The following DLGAP4 variants were observed in gnomAD, a reference collection of about 807,000 sequenced individuals.
The protein encoded by DLGAP4 is DLG associated protein 4.
In DLGAP4, 18 loss-of-function variants were observed where a neutral mutation model predicts 86.9. That is an observed-to-expected ratio of 0.21 (90% CI 0.14 to 0.31). The LOEUF (loss-of-function observed/expected upper bound fraction) is 0.31, where lower values mean the gene tolerates loss of function less well. Ranked by LOEUF, DLGAP4 falls within the 10% of genes least tolerant of loss-of-function variation. The pLI is 1.00. For missense variants in DLGAP4, 1,085 were observed against 1,362.6 expected (o/e 0.80, Z 3.21); for synonymous variants, 548 against 574.3 (o/e 0.95, Z 0.65).
intron 2 of DLGAP4, among the ~76,000 whole-genome samples, chr20:36,394,547 C>A (rs2031886288): frequency 6.6e-6 from 1 of 152,144 alleles, no homozygotes; most frequent in Non-Finnish European, 1.5e-5. Flanking sequence ...GGCTGTGGTG[C>A]GTGTGTGTGC....
chr20:36,428,317 T>C (rs1229943967), intron 2 of DLGAP4, among the ~76,000 whole-genome samples: 1 of 152,242 alleles, frequency 6.6e-6, no homozygotes, highest in African/African-American at 2.4e-5. Flanking sequence ...TCAAGTGCTC[T>C]GTGGCCCAGT....
intron 1 of DLGAP4, among the ~76,000 whole-genome samples, chr20:36,325,483 C>A (rs1367563216): frequency 1.3e-5 from 2 of 152,180 alleles, no homozygotes; most frequent in Admixed American, 6.5e-5. Context: ...ATTTTCAAAT[C>A]TTCTGTATCC....
chr20:36,470,721 A>G (rs902051853), intron 7 of DLGAP4, among the ~76,000 whole-genome samples: 1 of 152,118 alleles, frequency 6.6e-6, no homozygotes, highest in Non-Finnish European at 1.5e-5. Context: ...TTACTTAGAC[A>G]GTGGCATAGT....
At position 36,436,282 on chromosome 20, in the gene DLGAP4, C is replaced by G. The variant is rs746120286; in HGVS notation, c.1173C>G (p.Thr391=). The G allele has an allele frequency of 6.2e-7, 1 of 1,604,888 alleles. No individual in the cohort carries two copies. Among genetic ancestry groups the G allele is most frequent in the African/African-American group, 1.3e-5 (1 of 75,038 alleles). ...SGGSPKPSPK[T]AARRQSYLRA... is the part of the protein sequence containing the mutation. ...GCAGCCCCAAGCCCTCACCCAAGACCGCGGCGCGGCGCCAGAGCTATCTGA... is the reference window on the plus strand; with the variant it reads ...GCAGCCCCAAGCCCTCACCCAAGACGGCGGCGCGGCGCCAGAGCTATCTGA... Residue 391 remains threonine (T), a synonymous_variant, in exon 4 of 13, where the codon ACC becomes ACG. Transcript: ENST00000339266.
chr20:36,373,908 G>T (rs1372243795), intron 2 of DLGAP4, among the ~76,000 whole-genome samples: 1 of 151,912 alleles, frequency 6.6e-6, no homozygotes, highest in Non-Finnish European at 1.5e-5. Context: ...GTGGTGGCCA[G>T]CGCCTGTAAT....
chr20:36,381,507 G>A (rs2031390652), intron 2 of DLGAP4, among the ~76,000 whole-genome samples: 1 of 152,220 alleles, frequency 6.6e-6, no homozygotes, highest in African/African-American at 2.4e-5. Flanking sequence ...GACACATCAT[G>A]CCTCCCTTCA....
intron 1 of DLGAP4, among the ~76,000 whole-genome samples, chr20:36,313,363 AG>A (rs1402919332): frequency 1.3e-5 from 2 of 152,136 alleles, no homozygotes; most frequent in Non-Finnish European, 2.9e-5. Context: ...AGATCCACTC[AG>A]GGAGTGGGAG....
chr20:36,430,684 G>A lies in DLGAP4; in HGVS notation c.-72-962G>A, dbSNP rs535183967. Among the ~76,000 whole-genome samples, 3 of 150,032 alleles carry A rather than the reference G, an allele frequency of 2.0e-5. No individual in the cohort carries two copies. The East Asian group carries it at 5.9e-4, about 30-fold the overall frequency. ...AAAAAAAAAAAAAAGGCCAGGCATGGTGGCTCATGCCTGTAATCTCAGTAC... is the reference window on the plus strand; with the variant it reads ...AAAAAAAAAAAAAAGGCCAGGCATGATGGCTCATGCCTGTAATCTCAGTAC... On this transcript the variant is annotated intron_variant, in intron 2 of 12. Coordinates refer to ENST00000339266, the MANE Select transcript of DLGAP4 (RefSeq NM_001365621.2).
At chr20:36,457,989 G>A (rs374810090) in intron 7 of DLGAP4, among the ~76,000 whole-genome samples, 2 of 152,114 alleles carry the variant, frequency 1.3e-5, no homozygotes, top group Admixed American at 6.5e-5. Context: ...CGCTCCAGGC[G>A]GGGGGTGAGT....
chr20:36,346,150 C>G lies in DLGAP4; in HGVS notation c.-303-20895C>G, dbSNP rs1042809904. ...CATAAATTGTAATCCCTTGGAGGGA[C>G]TTGATGCGAATCCCTGGCCTCACCA... On this transcript the variant is annotated intron_variant, in intron 1 of 12. Coordinates refer to ENST00000339266, the MANE Select transcript of DLGAP4 (RefSeq NM_001365621.2). Among the ~76,000 whole-genome samples, 5 of 152,182 alleles carry G rather than the reference C, an allele frequency of 3.3e-5. 1 individual carries two copies. The highest frequency in any genetic ancestry group is 4.1e-4 in the South Asian group (2 of 4,834).
chr20:36,405,891 C>A (rs1205430299), intron 2 of DLGAP4, among the ~76,000 whole-genome samples: 1 of 152,088 alleles, frequency 6.6e-6, no homozygotes, highest in Non-Finnish European at 1.5e-5. Flanking sequence ...GAGCAGGGCC[C>A]AAGGTAAGAG....
chr20:36,504,774 G>A (rs1428446631), intron 10 of DLGAP4, among the ~76,000 whole-genome samples: 2 of 152,160 alleles, frequency 1.3e-5, no homozygotes, highest in Non-Finnish European at 2.9e-5. Context: ...ATCTTTTCAT[G>A]TGTCTGTTGG....
chr20:36,395,715 TC>T (rs1370052712), intron 2 of DLGAP4, among the ~76,000 whole-genome samples: 1 of 152,062 alleles, frequency 6.6e-6, no homozygotes, highest in Non-Finnish European at 1.5e-5. Context: ...ACCCGGCTGG[TC>T]TCAAACTCCT....
chr20:36,514,722 T>C (rs2036934746), intron 10 of DLGAP4, among the ~76,000 whole-genome samples: 1 of 152,150 alleles, frequency 6.6e-6, no homozygotes. Context: ...CCTTGTTTTG[T>C]TTTTTTAATG....
At chr20:36,487,322 C>T (rs1323123529) in intron 7 of DLGAP4, among the ~76,000 whole-genome samples, 2 of 152,228 alleles carry the variant, frequency 1.3e-5, no homozygotes, top group South Asian at 2.1e-4. Context: ...GTAGGTGATA[C>T]TCCCTCCTAA....
chr20:36,373,852 C>G (rs1200415833), intron 2 of DLGAP4, among the ~76,000 whole-genome samples: 1 of 152,024 alleles, frequency 6.6e-6, no homozygotes, highest in Admixed American at 6.5e-5. Flanking sequence ...GCCTGGCCAA[C>G]ATGGGGAAAC....
At chr20:36,520,589 C>A (rs2037315807) in intron 10 of DLGAP4, among the ~76,000 whole-genome samples, 1 of 152,184 alleles carries the variant, frequency 6.6e-6, no homozygotes, top group South Asian at 2.1e-4. Flanking sequence ...TCAAGTGATA[C>A]ACCCACCTCA....
In DLGAP4 at chr20:36,367,222, C is replaced by T. The variant is rs1312238158; in HGVS notation, c.-126C>T. ...TCCAGTGCCCGCTCCTGAGCTGACT[C>T]CTGCTGGGCCCCGACAGCTTGCCGT... On this transcript the variant is annotated 5_prime_UTR_variant, in exon 2 of 13. Transcript: ENST00000339266. 6.5e-6 allele frequency: 1 copy of T among 152,932 alleles called. No individual in the cohort carries two copies. The highest frequency in any genetic ancestry group is 1.5e-5 in the Non-Finnish European group (1 of 68,254). 9.5% of individuals were successfully genotyped at this position (152,932 alleles called of 1,614,324 possible).
chr20:36,391,760 G>A (rs1300299428), intron 2 of DLGAP4, among the ~76,000 whole-genome samples: 3 of 152,176 alleles, frequency 2.0e-5, no homozygotes, highest in Non-Finnish European at 4.4e-5. Context: ...GAGGTGCAAA[G>A]TGCTCAGCTC....
Sources: allele counts gnomAD v4.1 joint callset (sites outside exome capture counted in the v4.1 genomes callset), GRCh38; gene constraint gnomAD v4.1.1; transcripts MANE v1.5; gene names NCBI Gene and HGNC (gene_info 2026-07-23, HGNC 2026-07-21).